The following GRIA2 variants were observed in gnomAD, a reference collection of about 807,000 sequenced individuals.
GRIA2 encodes glutamate receptor 2.
GRIA2 carries 14 observed loss-of-function variants against 97.3 expected under a neutral mutation model. That is an observed-to-expected ratio of 0.14 (90% confidence interval 0.10 to 0.23). GRIA2 has a LOEUF of 0.23. Ranked by LOEUF, GRIA2 falls within the 10% of genes least tolerant of loss-of-function variation. GRIA2 has a pLI of 1.00. For synonymous variants in GRIA2, 412 were observed against 387.8 expected, an observed-to-expected ratio of 1.06 and a Z score of -0.73; for missense variants, 558 against 1,069.8, an observed-to-expected ratio of 0.52 and a Z score of 6.67.
chr4:157,330,924 T>C (rs1036685955), intron 6 of GRIA2, among the ~76,000 whole-genome samples: 8 of 152,034 alleles, frequency 5.3e-5, no homozygotes, highest in Admixed American at 4.6e-4. Context: ...ATTGCCATCA[T>C]GCTCCTTTCA....
intron 2 of GRIA2, among the ~76,000 whole-genome samples, chr4:157,259,207 AAC>A (rs1344500286): frequency 6.6e-6 from 1 of 152,054 alleles, no homozygotes; most frequent in Non-Finnish European, 1.5e-5. Context: ...CAGCCTGGGA[AAC>A]ACAGTGAGAC....
intron 2 of GRIA2, among the ~76,000 whole-genome samples, chr4:157,235,958 T>C (rs1322255604): frequency 6.6e-6 from 1 of 152,054 alleles, no homozygotes; most frequent in Admixed American, 6.6e-5. Context: ...TTGAATAATC[T>C]AAGAGACACT....
At chr4:157,251,645 G>A (rs1731027384) in intron 2 of GRIA2, among the ~76,000 whole-genome samples, 1 of 152,060 alleles carries the variant, frequency 6.6e-6, no homozygotes, top group Non-Finnish European at 1.5e-5. Context: ...AACCAATGAA[G>A]ATGCATATCT....
chr4:157,298,794 C>CT (rs1733479826), intron 2 of GRIA2, among the ~76,000 whole-genome samples: 2 of 151,806 alleles, frequency 1.3e-5, no homozygotes, highest in Admixed American at 1.3e-4. Flanking sequence ...TAACACTATG[C>CT]TTGTCACATA....
In GRIA2 at chr4:157,249,277, A is replaced by G. The variant is rs561480743; in HGVS notation, c.229+27470A>G. 5.9e-5 allele frequency among the ~76,000 whole-genome samples: 9 copies of G among 152,274 alleles called. No homozygotes were observed. The East Asian group carries it at 1.2e-3, about 20-fold the overall frequency. Reference sequence around the variant, plus strand: ...TCCCTGTGTACTTCATAATTTGAATATCTTAGAACTTTCCTCTGACTGTTC... The same window carrying G: ...TCCCTGTGTACTTCATAATTTGAATGTCTTAGAACTTTCCTCTGACTGTTC... On this transcript the variant is annotated intron_variant, in intron 2 of 15. Coordinates refer to ENST00000264426, the MANE Select transcript of GRIA2 (RefSeq NM_001083619.3).
In GRIA2 at chr4:157,281,829, C is replaced by T. The variant is rs182780601; in HGVS notation, c.230-21723C>T. On this transcript the variant is annotated intron_variant, in intron 2 of 15. Transcript: ENST00000264426. ...AAACACTAAATCTTCCAAACCAGCACGTCCTAGCTTTTTTATGTATCCTCT... is the reference window on the plus strand; with the variant it reads ...AAACACTAAATCTTCCAAACCAGCATGTCCTAGCTTTTTTATGTATCCTCT... Among the ~76,000 whole-genome samples the T allele has an allele frequency of 7.1e-4, 108 of 152,158 alleles. 1 individual carries two copies. The highest frequency in any genetic ancestry group is 2.5e-3 in the African/African-American group (105 of 41,546).
intron 2 of GRIA2, among the ~76,000 whole-genome samples, chr4:157,302,747 T>G (rs1374742340): frequency 3.3e-5 from 5 of 152,130 alleles, no homozygotes; most frequent in African/African-American, 1.2e-4. Flanking sequence ...GGTATTATAA[T>G]GAGCACATAA....
intron 2 of GRIA2, among the ~76,000 whole-genome samples, chr4:157,275,523 T>A (rs566204900): frequency 1.3e-5 from 2 of 152,288 alleles, no homozygotes; most frequent in East Asian, 3.9e-4. Context: ...AAGTCTTTAA[T>A]CCATCTTGAA....
At chr4:157,258,818 A>C (rs1447910990) in intron 2 of GRIA2, among the ~76,000 whole-genome samples, 1 of 152,060 alleles carries the variant, frequency 6.6e-6, no homozygotes, top group African/African-American at 2.4e-5. Flanking sequence ...GCCGACACTT[A>C]GGGAAAATAG....
intron 2 of GRIA2, among the ~76,000 whole-genome samples, chr4:157,302,643 C>T (rs1444704527): frequency 6.6e-6 from 1 of 152,056 alleles, no homozygotes; most frequent in East Asian, 1.9e-4. Flanking sequence ...ACATGCCAGG[C>T]ACAGGGCAAG....
rs114462988 is a variant in GRIA2 at position 157,255,859 on chromosome 4, T to C, written c.229+34052T>C. Among the ~76,000 whole-genome samples the C allele has an allele frequency of 7.5e-3, 1,132 of 151,724 alleles. 11 individuals carry two copies. Among genetic ancestry groups the C allele is most frequent in the African/African-American group, 0.026 (1,057 of 41,442 alleles). ...AAGTGGACAAAGGATATGAATAGTCTTTTTTCAAAAGAATACATACAAATG... is the reference window on the plus strand; with the variant it reads ...AAGTGGACAAAGGATATGAATAGTCCTTTTTCAAAAGAATACATACAAATG... On this transcript the variant is annotated intron_variant, in intron 2 of 15. Coordinates refer to ENST00000264426, the MANE Select transcript of GRIA2 (RefSeq NM_001083619.3).
intron 7 of GRIA2, 86 bp downstream of exon 7, chr4:157,333,072 C>A: frequency 8.8e-7 from 1 of 1,132,180 alleles, no homozygotes; most frequent in Non-Finnish European, 1.3e-6. Flanking sequence ...TTGTCTTATT[C>A]CTTGTGTCTA....
intron 4 of GRIA2, among the ~76,000 whole-genome samples, chr4:157,313,737 G>C (rs1734188574): frequency 6.6e-6 from 1 of 151,890 alleles, no homozygotes; most frequent in Admixed American, 6.6e-5. Flanking sequence ...GTGTGAGTAT[G>C]AGTGTATATG....
intron 6 of GRIA2, among the ~76,000 whole-genome samples, chr4:157,330,271 G>T (rs1734991327): frequency 6.6e-6 from 1 of 151,920 alleles, no homozygotes; most frequent in Non-Finnish European, 1.5e-5. Context: ...GATGCTAAAT[G>T]CAATGCTTTC....
chr4:157,327,127 CAA>C (rs1485884924), intron 6 of GRIA2, among the ~76,000 whole-genome samples: 3 of 152,034 alleles, frequency 2.0e-5, no homozygotes, highest in African/African-American at 7.2e-5. Flanking sequence ...TAAATTCAGT[CAA>C]GAGATATTTG....
chr4:157,303,923 A>T, intron 3 of GRIA2, 132 bp downstream of exon 3: 1 of 850,328 alleles, frequency 1.2e-6, no homozygotes, highest in Non-Finnish European at 1.9e-6. Flanking sequence ...TGCTGTGATA[A>T]TGACTAATGC....
intron 2 of GRIA2, among the ~76,000 whole-genome samples, chr4:157,269,213 G>C (rs1231998086): frequency 6.6e-6 from 1 of 151,952 alleles, no homozygotes; most frequent in Non-Finnish European, 1.5e-5. Flanking sequence ...GGAAGACATG[G>C]AAAATCATTT....
chr4:157,263,601 C>A (rs1439179622), intron 2 of GRIA2, among the ~76,000 whole-genome samples: 8 of 151,962 alleles, frequency 5.3e-5, no homozygotes, highest in African/African-American at 1.9e-4. Flanking sequence ...AAATGCACCA[C>A]AACAGATGGT....
In GRIA2 at chr4:157,306,109, A is replaced by G. The variant is rs190461445; in HGVS notation, c.469+2318A>G. Among the ~76,000 whole-genome samples, 23 of 152,322 alleles carry G rather than the reference A, an allele frequency of 1.5e-4. No homozygotes were observed. In the East Asian group the frequency reaches 4.2e-3, roughly 28 times the overall value. ...GCTTGCAAAATTGAAGAATTGAATG[A>G]CTAATTCTCTTTACACTTTGATAAG... On this transcript the variant is annotated intron_variant, in intron 3 of 15. Transcript: ENST00000264426.
Sources: allele counts gnomAD v4.1 joint callset (sites outside exome capture counted in the v4.1 genomes callset), GRCh38; gene constraint gnomAD v4.1.1; transcripts MANE v1.5; gene names NCBI Gene and HGNC (gene_info 2026-07-23, HGNC 2026-07-21).